ST7: variants seen among roughly 807,000 people sequenced by gnomAD.
ST7 encodes the protein suppressor of tumorigenicity 7 protein.
A neutral mutation model predicts 78.7 loss-of-function variants in ST7; 28 were observed. That is an observed-to-expected ratio of 0.36 (90% CI 0.26 to 0.49). ST7 has a LOEUF of 0.49. Ranked by LOEUF, ST7 falls within the 20% of genes least tolerant of loss-of-function variation. ST7 has a pLI of 0.99. For missense variants in ST7, 418 were observed against 696.0 expected, an observed-to-expected ratio of 0.60 and a Z score of 4.49; for synonymous variants, 247 against 249.6, an observed-to-expected ratio of 0.99 and a Z score of 0.10.
At chr7:117,167,311 A>G (rs953918252) in intron 9 of ST7, among the ~76,000 whole-genome samples, 1 of 144,256 alleles carries the variant, frequency 6.9e-6, no homozygotes, top group African/African-American at 2.6e-5. Flanking sequence ...TTTGCATAAC[A>G]CAGCTTTCAT....
At chr7:117,074,271 C>G (rs909700998) in intron 1 of ST7, among the ~76,000 whole-genome samples, 1 of 152,086 alleles carries the variant, frequency 6.6e-6, no homozygotes, top group Admixed American at 6.5e-5. Context: ...CACACCTGTA[C>G]TCCCACCTAC....
intron 9 of ST7, among the ~76,000 whole-genome samples, chr7:117,145,894 G>A (rs927838147): frequency 6.6e-5 from 10 of 152,144 alleles, no homozygotes; most frequent in African/African-American, 2.4e-4. Flanking sequence ...TCTCAGCCTA[G>A]CCTGTAAAGA....
At chr7:116,981,194 G>A (rs917006881) in intron 1 of ST7, among the ~76,000 whole-genome samples, 1 of 151,542 alleles carries the variant, frequency 6.6e-6, no homozygotes, top group Non-Finnish European at 1.5e-5. Flanking sequence ...CTGCAGCCTC[G>A]ACCTCCCAGG....
chr7:117,180,299 TG>T (rs1808649817), intron 10 of ST7, among the ~76,000 whole-genome samples: 1 of 152,088 alleles, frequency 6.6e-6, no homozygotes, highest in Non-Finnish European at 1.5e-5. Context: ...AGAAAAAATG[TG>T]GAAGAGGGGA....
At chr7:117,096,095 A>G (rs1801019876) in intron 1 of ST7, among the ~76,000 whole-genome samples, 1 of 150,798 alleles carries the variant, frequency 6.6e-6, no homozygotes, top group South Asian at 2.1e-4. Flanking sequence ...AAAAAAAAAA[A>G]AAAGAATATC....
chr7:117,042,425 T>C (rs946879178), intron 1 of ST7, among the ~76,000 whole-genome samples: 1 of 152,214 alleles, frequency 6.6e-6, no homozygotes, highest in African/African-American at 2.4e-5. Context: ...ACTAAATTAC[T>C]CTCCAAAAGA....
intron 1 of ST7, chr7:116,954,630 A>C (rs897861250): frequency 6.5e-6 from 1 of 153,066 alleles, no homozygotes; most frequent in Non-Finnish European, 1.5e-5. Context: ...CGAAACACAA[A>C]GTAAATTTCG....
At chr7:117,040,513 T>G (rs1176945996) in intron 1 of ST7, among the ~76,000 whole-genome samples, 2 of 152,252 alleles carry the variant, frequency 1.3e-5, no homozygotes, top group African/African-American at 4.8e-5. Context: ...AATACATGTT[T>G]AGTGGGTAGG....
chr7:117,217,537 A>T (rs1295225298), intron 13 of ST7, among the ~76,000 whole-genome samples: 1 of 152,024 alleles, frequency 6.6e-6, no homozygotes, highest in South Asian at 2.1e-4. Context: ...AATGAGAGAG[A>T]TGTTGGTTCC....
chr7:117,014,443 A>G (rs1584452442), intron 1 of ST7, among the ~76,000 whole-genome samples: 1 of 152,224 alleles, frequency 6.6e-6, no homozygotes, highest in Admixed American at 6.5e-5. Context: ...TAGATATGCT[A>G]TAAAGGACTG....
intron 3 of ST7, among the ~76,000 whole-genome samples, chr7:117,125,408 T>C (rs1213387448): frequency 6.6e-6 from 1 of 152,120 alleles, no homozygotes; most frequent in African/African-American, 2.4e-5. Flanking sequence ...TCACATTTAC[T>C]TATATCTTTT....
chr7:116,968,070 A>G (rs1322407485), intron 1 of ST7, among the ~76,000 whole-genome samples: 2 of 152,194 alleles, frequency 1.3e-5, no homozygotes, highest in African/African-American at 2.4e-5. Context: ...ACCTGCTTTC[A>G]TAATTTTCCT....
intron 1 of ST7, chr7:116,972,694 G>A: frequency 1.0e-6 from 1 of 972,442 alleles, no homozygotes; most frequent in Non-Finnish European, 1.7e-6. Flanking sequence ...CTTTTGCAGG[G>A]CAGTGGCTGG....
chr7:117,096,699 C>A (rs962533579), intron 1 of ST7, among the ~76,000 whole-genome samples: 8 of 152,148 alleles, frequency 5.3e-5, no homozygotes, highest in Non-Finnish European at 1.2e-4. Flanking sequence ...TTGTTATAAT[C>A]CTTAAATACA....
intron 1 of ST7, among the ~76,000 whole-genome samples, chr7:116,966,765 C>T (rs1453056072): frequency 6.6e-6 from 1 of 152,202 alleles, no homozygotes; most frequent in African/African-American, 2.4e-5. Context: ...GGAAGCCCAG[C>T]TGTGATTGTG....
intron 3 of ST7, among the ~76,000 whole-genome samples, chr7:117,121,979 C>T (rs972560891): frequency 4.6e-5 from 7 of 151,862 alleles, no homozygotes; most frequent in Admixed American, 3.3e-4. Context: ...GAAATAAAGC[C>T]GTGCCTTAAA....
At chr7:117,129,285 C>T (rs1804136239) in intron 3 of ST7, among the ~76,000 whole-genome samples, 2 of 151,802 alleles carry the variant, frequency 1.3e-5, no homozygotes, top group South Asian at 4.1e-4. Flanking sequence ...TTATTCCTTT[C>T]CTGTAAGGCA....
chr7:117,108,867 A>G (rs1299978788), intron 2 of ST7, among the ~76,000 whole-genome samples: 1 of 152,104 alleles, frequency 6.6e-6, no homozygotes, highest in East Asian at 1.9e-4. Context: ...AGCTACTGTA[A>G]AAGTGGTTGA....
chr7:117,005,442 CCT>C (rs1371872235), intron 1 of ST7, among the ~76,000 whole-genome samples: 35 of 152,168 alleles, frequency 2.3e-4, no homozygotes, highest in African/African-American at 7.2e-5. Context: ...ACAAATGTCC[CCT>C]GTTTTCCTCT....
Sources: gnomAD v4.1 joint callset for allele counts (sites outside exome capture counted in the v4.1 genomes callset) on GRCh38, gnomAD v4.1.1 for gene constraint, MANE v1.5 for transcripts, NCBI Gene and HGNC (gene_info 2026-07-23, HGNC 2026-07-21) for gene names.